PUDP: variants seen among roughly 807,000 people sequenced by gnomAD.
PUDP encodes pseudouridine-5'-phosphatase.
In PUDP, 8 loss-of-function variants were observed where a neutral mutation model predicts 9.4. The ratio of observed to expected loss-of-function variants is 0.85; its 90% CI spans 0.50 to 1.53. The LOEUF (loss-of-function observed/expected upper bound fraction) is 1.53. Among genes scored for constraint, PUDP ranks in the 40% most tolerant of loss-of-function variants. PUDP has a pLI of 0.00. For missense variants in PUDP, 188 were observed against 189.7 expected, an observed-to-expected ratio of 0.99 and a Z score of 0.05; for synonymous variants, 99 against 80.7, an observed-to-expected ratio of 1.23 and a Z score of -1.22.
At chrX:6,709,236 G>C (rs768360158) in intron 1 of PUDP, among the ~76,000 whole-genome samples, 3 of 111,735 alleles carry the variant, frequency 2.7e-5, no homozygotes, top group Non-Finnish European at 5.6e-5. Context: ...GGATCTTCCA[G>C]GGTCTGGTCT....
chrX:7,104,046 G>T (rs903610746), intron 2 of PUDP, among the ~76,000 whole-genome samples: 1 of 112,096 alleles, frequency 8.9e-6, no homozygotes, highest in Admixed American at 9.4e-5. Context: ...CCACTTCTGG[G>T]TATATCCCAA....
At chrX:6,944,140 G>C (rs932899455) in intron 3 of PUDP, among the ~76,000 whole-genome samples, 5 of 110,651 alleles carry the variant, frequency 4.5e-5, no homozygotes, top group African/African-American at 1.3e-4. Context: ...TCATGGGGGT[G>C]GTTTCCCCCA....
chrX:6,996,123 A>C (rs994775228), intron 1 of PUDP, among the ~76,000 whole-genome samples: 1 of 111,454 alleles, frequency 9.0e-6, no homozygotes, highest in Admixed American at 9.6e-5. Context: ...TGAACTTGGG[A>C]TATAAAACAT....
At chrX:6,902,381 C>T (rs1345895348) in intron 3 of PUDP, among the ~76,000 whole-genome samples, 2 of 111,838 alleles carry the variant, frequency 1.8e-5, no homozygotes, top group African/African-American at 6.5e-5. Context: ...AAGTGGCTGT[C>T]CTGTGTTATG....
At position 6,822,108 on chromosome X, in the gene PUDP, T is replaced by G. The variant is rs748822543; in HGVS notation, c.*248-115642A>C. 5.4e-5 allele frequency among the ~76,000 whole-genome samples: 6 copies of G among 111,594 alleles called. No homozygotes were observed. The East Asian group carries it at 1.7e-3, about 31-fold the overall frequency. On this transcript the variant is annotated intron_variant and NMD_transcript_variant, in intron 3 of 3. Coordinates refer to the PUDP transcript ENST00000655425. ...GCAGCAGAAAGAGCTTTTCTCTTTC[T>G]TTTGCCTATTAAACTTCCACTCTTA...
At chrX:6,730,539 G>C (rs1342125829) in intron 3 of PUDP, among the ~76,000 whole-genome samples, 1 of 111,812 alleles carries the variant, frequency 8.9e-6, no homozygotes, top group Non-Finnish European at 1.9e-5. Flanking sequence ...ACTCCCTCAT[G>C]GGAAACCTTT....
intron 3 of PUDP, among the ~76,000 whole-genome samples, chrX:6,942,710 TAG>T (rs754323032): frequency 7.2e-5 from 8 of 111,607 alleles, no homozygotes; most frequent in African/African-American, 1.6e-4. Flanking sequence ...ATCCTGGAGT[TAG>T]AGTCAGCCCT....
At chrX:6,826,627 C>CA (rs1347395143) in intron 3 of PUDP, among the ~76,000 whole-genome samples, 1 of 111,527 alleles carries the variant, frequency 9.0e-6, no homozygotes, top group Admixed American at 9.5e-5. Context: ...TACAACGTAG[C>CA]AAAAAAAGAA....
At chrX:7,029,211 A>G (rs867359684) in intron 1 of PUDP, among the ~76,000 whole-genome samples, 1 of 111,669 alleles carries the variant, frequency 9.0e-6, no homozygotes, top group Non-Finnish European at 1.9e-5. Context: ...TCTTCTTCCA[A>G]TGTGGCCCAG....
chrX:6,900,922 C>A (rs1244077592), intron 3 of PUDP, among the ~76,000 whole-genome samples: 4 of 110,150 alleles, frequency 3.6e-5, no homozygotes, highest in Non-Finnish European at 7.6e-5. Flanking sequence ...GGACTACAGG[C>A]ATGTGCCACC....
intron 3 of PUDP, among the ~76,000 whole-genome samples, chrX:6,807,960 T>G (rs1045389517): frequency 2.7e-5 from 3 of 111,057 alleles, no homozygotes; most frequent in Admixed American, 1.9e-4. Context: ...GTTCATGGAG[T>G]GAATAGCCAA....
chrX:6,988,113 C>A (rs1304230752), intron 1 of PUDP, among the ~76,000 whole-genome samples: 1 of 112,077 alleles, frequency 8.9e-6, no homozygotes, highest in Non-Finnish European at 1.9e-5. Flanking sequence ...CGTGGGTCTG[C>A]ATAGTGTTCT....
At chrX:6,879,222 A>C (rs1296213084) in intron 3 of PUDP, among the ~76,000 whole-genome samples, 2 of 112,276 alleles carry the variant, frequency 1.8e-5, no homozygotes, top group Non-Finnish European at 3.8e-5. Context: ...GGCAGAGGCC[A>C]AGGAGGATAA....
intron 1 of PUDP, among the ~76,000 whole-genome samples, chrX:7,144,433 C>A (rs746546960): frequency 1.8e-5 from 2 of 111,950 alleles, no homozygotes; most frequent in African/African-American, 6.5e-5. Context: ...AGAATGACAG[C>A]GCAAAACACA....
At chrX:6,733,162 G>T (rs1387835699) in intron 3 of PUDP, among the ~76,000 whole-genome samples, 1 of 112,165 alleles carries the variant, frequency 8.9e-6, no homozygotes, top group East Asian at 2.8e-4. Context: ...GAACAGGAAT[G>T]CTGGGTATGG....
chrX:7,117,210 T>C (rs765452055), intron 1 of PUDP, among the ~76,000 whole-genome samples: 5 of 110,825 alleles, frequency 4.5e-5, no homozygotes, highest in Non-Finnish European at 9.4e-5. Context: ...CAGGCAGAGG[T>C]TGGAAGAGTT....
chrX:7,147,908 C>G, intron 1 of PUDP, 145 bp downstream of exon 1: 2 of 399,245 alleles, frequency 5.0e-6, no homozygotes, highest in Non-Finnish European at 8.4e-6. Flanking sequence ...CGGGGCCAGC[C>G]GGGGGCAGAG....
chrX:6,803,184 G>A (rs1467261761), intron 3 of PUDP, among the ~76,000 whole-genome samples: 1 of 110,484 alleles, frequency 9.1e-6, no homozygotes, highest in African/African-American at 3.3e-5. Flanking sequence ...AGCATCAGAG[G>A]CCACGACGAG....
intron 3 of PUDP, among the ~76,000 whole-genome samples, chrX:7,064,402 C>T (rs2146851142): frequency 8.9e-6 from 1 of 111,991 alleles, no homozygotes; most frequent in East Asian, 2.8e-4. Context: ...CAACCAGAAA[C>T]CGTAGTTCCT....
Sources: gnomAD v4.1 joint callset for allele counts (sites outside exome capture counted in the v4.1 genomes callset) on GRCh38, gnomAD v4.1.1 for gene constraint, MANE v1.5 for transcripts, NCBI Gene and HGNC (gene_info 2026-07-23, HGNC 2026-07-21) for gene names.